Variants in IQGAP2 observed in about 807,000 individuals in gnomAD.
The protein encoded by IQGAP2 is IQ motif containing GTPase activating protein 2.
In IQGAP2, 173 loss-of-function variants were observed where a neutral mutation model predicts 201.3. That is an observed-to-expected ratio of 0.86 (90% confidence interval 0.76 to 0.98). The LOEUF is 0.98. Ranked by LOEUF, IQGAP2 falls within the 50% of genes least tolerant of loss-of-function variation. The pLI is 0.00. For synonymous variants in IQGAP2, 675 were observed against 673.9 expected, an observed-to-expected ratio of 1.00 and a Z score of -0.03; for missense variants, 1,687 against 1,864.8, an observed-to-expected ratio of 0.90 and a Z score of 1.76.
intron 10 of IQGAP2, 126 bp downstream of exon 10, chr5:76,597,728 T>TG (rs34538847): frequency 0.15 from 136,582 of 885,612 alleles, 12,532 homozygotes; most frequent in Admixed American, 0.33. Context: ...CTGGTCTCAC[T>TG]GGCCCACCTG....
Position 76,575,631 on chromosome 5 carries a change from G to A in IQGAP2, c.382-62G>A, listed in dbSNP as rs567909315. On this transcript the variant is annotated intron_variant, in intron 4 of 35. Coordinates refer to ENST00000274364, the MANE Select transcript of IQGAP2 (RefSeq NM_006633.5). ...GGACAATCAAAATAGGGTCATTTTGGGAAGTTAAAATACTTGTGAGAAGCA... is the reference window on the plus strand; with the variant it reads ...GGACAATCAAAATAGGGTCATTTTGAGAAGTTAAAATACTTGTGAGAAGCA... The A allele has an allele frequency of 1.4e-4, 132 of 973,888 alleles. 2 individuals carry two copies. The Middle Eastern group carries it at 1.8e-3, about 14-fold the overall frequency. The allele number at this position is 973,888 out of a possible 1,614,324, so 60.3% of individuals were successfully genotyped here. A position where few individuals can be genotyped will look rare whatever the true frequency, so the allele number is the denominator to read the frequency against.
chr5:76,403,743 C>A lies in IQGAP2; in HGVS notation c.46+152C>A. ...CTGGCAAAGTTGGGAGCTGGAGTTG[C>A]AAAGGGCAGTGAATCGCGTCCCCCC... On this transcript the variant is annotated intron_variant, in intron 1 of 35. Coordinates refer to ENST00000274364, the MANE Select transcript of IQGAP2 (RefSeq NM_006633.5). This position sits in a 1 kb window ranked among gnomAD's most constrained non-coding sequence, Gnocchi z 4.8. The A allele has an allele frequency of 1.7e-6, 1 of 578,532 alleles. No individual in the cohort carries two copies. The highest frequency in any genetic ancestry group is 2.8e-6 in the Non-Finnish European group (1 of 356,290). 35.8% of individuals were successfully genotyped at this position (578,532 alleles called of 1,614,324 possible).
chr5:76,426,312 A>G (rs903474658), intron 1 of IQGAP2, among the ~76,000 whole-genome samples: 3 of 152,222 alleles, frequency 2.0e-5, no homozygotes, highest in African/African-American at 7.2e-5. Flanking sequence ...TAGTTTTTCC[A>G]AGGCAACCAT....
chr5:76,484,341 A>G (rs539907130), intron 2 of IQGAP2, among the ~76,000 whole-genome samples: 16 of 152,274 alleles, frequency 1.1e-4, no homozygotes, highest in Non-Finnish European at 1.9e-4. Flanking sequence ...GTGGGGGCGC[A>G]GGTTGTGACA....
At chr5:76,617,674 A>G in intron 13 of IQGAP2, 5 of 1,614,142 alleles carry the variant, frequency 3.1e-6, no homozygotes, top group Non-Finnish European at 4.2e-6. Context: ...CTACCCAGGC[A>G]CAAAGCTATG....
At chr5:76,478,532 G>A (rs996310850) in intron 2 of IQGAP2, among the ~76,000 whole-genome samples, 9 of 151,922 alleles carry the variant, frequency 5.9e-5, no homozygotes, top group Non-Finnish European at 8.8e-5. Flanking sequence ...CAAGTGATCC[G>A]CCCACCTTGG....
chr5:76,593,955 G>A (rs1002041612), intron 9 of IQGAP2, among the ~76,000 whole-genome samples: 1 of 152,210 alleles, frequency 6.6e-6, no homozygotes, highest in Non-Finnish European at 1.5e-5. Context: ...ATTAAGGAAA[G>A]CCCCAGAGGG....
intron 2 of IQGAP2, among the ~76,000 whole-genome samples, chr5:76,517,328 C>T (rs1758390490): frequency 6.6e-6 from 1 of 152,098 alleles, no homozygotes; most frequent in African/African-American, 2.4e-5. Context: ...TCCTTTTAAA[C>T]CCACTCACCA....
At chr5:76,622,402 T>A (rs1749787264) in intron 13 of IQGAP2, among the ~76,000 whole-genome samples, 1 of 152,216 alleles carries the variant, frequency 6.6e-6, no homozygotes, top group South Asian at 2.1e-4. Flanking sequence ...GCAATGTTCC[T>A]TTAGAAAGCA....
chr5:76,536,350 C>A (rs902458041), intron 2 of IQGAP2, among the ~76,000 whole-genome samples: 1 of 151,016 alleles, frequency 6.6e-6, no homozygotes, highest in African/African-American at 2.4e-5. Context: ...GGATCACAGG[C>A]GTGAGCTACC....
intron 14 of IQGAP2, among the ~76,000 whole-genome samples, chr5:76,630,229 G>A (rs1750586504): frequency 6.6e-6 from 1 of 152,168 alleles, no homozygotes; most frequent in South Asian, 2.1e-4. Flanking sequence ...AAGCATAGGA[G>A]TTATTAAGGC....
chr5:76,654,326 C>A, intron 19 of IQGAP2, 55 bp downstream of exon 19: 1 of 1,138,964 alleles, frequency 8.8e-7, no homozygotes, highest in Non-Finnish European at 1.3e-6. Flanking sequence ...TAAATGAATG[C>A]TTTATTGAAA....
At chr5:76,507,143 T>C (rs1757647879) in intron 2 of IQGAP2, among the ~76,000 whole-genome samples, 1 of 152,200 alleles carries the variant, frequency 6.6e-6, no homozygotes, top group Non-Finnish European at 1.5e-5. Flanking sequence ...ATCAAGACAG[T>C]GTGGTATTGG....
intron 1 of IQGAP2, among the ~76,000 whole-genome samples, chr5:76,449,754 T>A (rs992286183): frequency 2.0e-5 from 3 of 152,302 alleles, no homozygotes; most frequent in Non-Finnish European, 4.4e-5. Flanking sequence ...ATTCTGAAAT[T>A]GTATTTAGTG....
In IQGAP2 at chr5:76,707,533, C is replaced by G. The variant is rs2150575231; in HGVS notation, c.*220C>G. The G allele has an allele frequency of 1.9e-6, 1 of 513,224 alleles. No homozygotes were observed. The highest frequency in any genetic ancestry group is 3.5e-5 in the East Asian group (1 of 28,430). The allele number at this position is 513,224 out of a possible 1,614,324, so 31.8% of individuals were successfully genotyped here. Reference sequence around the variant, plus strand: ...ATGAATTAATGGAAACATATCCACACTGTACTGTGATATAGGTACTCTGAT... The same window carrying G: ...ATGAATTAATGGAAACATATCCACAGTGTACTGTGATATAGGTACTCTGAT... On this transcript the variant is annotated 3_prime_UTR_variant, in exon 36 of 36. Coordinates refer to ENST00000274364, the MANE Select transcript of IQGAP2 (RefSeq NM_006633.5).
chr5:76,695,052 A>T (rs2150543318), intron 31 of IQGAP2, among the ~76,000 whole-genome samples: 1 of 152,252 alleles, frequency 6.6e-6, no homozygotes, highest in Middle Eastern at 3.4e-3. Context: ...GATGTGTGAG[A>T]GTTTAGCTGG....
intron 15 of IQGAP2, among the ~76,000 whole-genome samples, chr5:76,636,438 T>A (rs1022112582): frequency 6.6e-6 from 1 of 152,236 alleles, no homozygotes; most frequent in African/African-American, 2.4e-5. Flanking sequence ...TTTTTTCTCA[T>A]TTCTTGTGGT....
chr5:76,478,943 AC>A (rs1388373021), intron 2 of IQGAP2, among the ~76,000 whole-genome samples: 1 of 152,086 alleles, frequency 6.6e-6, no homozygotes, highest in Non-Finnish European at 1.5e-5. Context: ...GGTTTATTGT[AC>A]CATCTGGGAG....
intron 2 of IQGAP2, among the ~76,000 whole-genome samples, chr5:76,514,042 A>G (rs1317825990): frequency 1.1e-5 from 1 of 93,460 alleles, no homozygotes; most frequent in Non-Finnish European, 1.9e-5. Flanking sequence ...TTTTTTTGAG[A>G]CGGAGTCTTG....
Sources: gnomAD v4.1 joint callset for allele counts (sites outside exome capture counted in the v4.1 genomes callset) on GRCh38, gnomAD v4.1.1 for gene constraint, Gnocchi (gnomAD v3.1) non-coding constraint, MANE v1.5 for transcripts, NCBI Gene and HGNC (gene_info 2026-07-23, HGNC 2026-07-21) for gene names.